The following SOCS7 variants were observed in gnomAD, a reference collection of about 807,000 sequenced individuals.
SOCS7 encodes NAP-4.
In SOCS7, 18 loss-of-function variants were observed where a neutral mutation model predicts 58.9. That is an observed-to-expected ratio of 0.31 (90% CI 0.21 to 0.45). SOCS7 has a LOEUF of 0.45. Among genes scored for constraint, SOCS7 ranks in the 20% least tolerant of loss-of-function variants. The probability of loss-of-function intolerance (pLI) is 1.00; values close to 1 mark genes in which losing one functional copy is unlikely to be tolerated. For synonymous variants in SOCS7, 388 were observed against 364.3 expected (o/e 1.06, Z -0.74); for missense variants, 667 against 837.3 (o/e 0.80, Z 2.51).
At chr17:38,381,958 A>C (rs1372469023) in intron 7 of SOCS7, among the ~76,000 whole-genome samples, 2 of 148,872 alleles carry the variant, frequency 1.3e-5, no homozygotes, top group Non-Finnish European at 3.0e-5. Flanking sequence ...AAAAAAAAAA[A>C]AAAAAAAAAA....
rs544225755 is a variant in SOCS7 at position 38,370,710 on chromosome 17, C to T, written c.1552+2660C>T. On this transcript the variant is annotated intron_variant, in intron 6 of 9. Transcript: ENST00000612932. Reference sequence around the variant, plus strand: ...CATCGCCCAGGCTAGAGTGCAATGGCGCGATCTCAGCTCAGTGTCAACCTC... The same window carrying T: ...CATCGCCCAGGCTAGAGTGCAATGGTGCGATCTCAGCTCAGTGTCAACCTC... 6.0e-5 allele frequency among the ~76,000 whole-genome samples: 9 copies of T among 150,744 alleles called. No individual in the cohort carries two copies. In the East Asian group the frequency reaches 1.2e-3, roughly 20 times the overall value.
At chr17:38,369,610 A>C (rs2037834674) in intron 6 of SOCS7, among the ~76,000 whole-genome samples, 1 of 151,728 alleles carries the variant, frequency 6.6e-6, no homozygotes, top group Non-Finnish European at 1.5e-5. Flanking sequence ...TAAATACTTG[A>C]CCTTTAAGTT....
At chr17:38,393,510 G>A (rs1002610416) in intron 7 of SOCS7, among the ~76,000 whole-genome samples, 3 of 152,036 alleles carry the variant, frequency 2.0e-5, no homozygotes, top group African/African-American at 7.2e-5. Flanking sequence ...GGTGGCGGGC[G>A]CCTGTAATCC....
chr17:38,398,829 A>G (rs567743640), intron 9 of SOCS7, among the ~76,000 whole-genome samples: 1 of 152,276 alleles, frequency 6.6e-6, no homozygotes, highest in South Asian at 2.1e-4. Context: ...GTGATGGTTC[A>G]CGTCTGTAAT....
At chr17:38,394,995 A>G (rs1283792049) in intron 7 of SOCS7, among the ~76,000 whole-genome samples, 1 of 152,182 alleles carries the variant, frequency 6.6e-6, no homozygotes. Context: ...GGCTGCAGTG[A>G]GCTGAGACTG....
intron 6 of SOCS7, among the ~76,000 whole-genome samples, chr17:38,369,824 T>A (rs186959612): frequency 6.6e-6 from 1 of 151,134 alleles, no homozygotes; most frequent in Non-Finnish European, 1.5e-5. Flanking sequence ...AGAGTTTCGC[T>A]CTGTCACCAG....
chr17:38,366,104 GC>G, intron 4 of SOCS7, 182 bp from the exon 5 acceptor site: 1 of 1,241,764 alleles, frequency 8.1e-7, no homozygotes, highest in Non-Finnish European at 1.1e-6. Context: ...GCTTACACAA[GC>G]CCACACAGCT....
chr17:38,358,451 T>C (rs976556805), intron 1 of SOCS7, among the ~76,000 whole-genome samples: 1 of 152,142 alleles, frequency 6.6e-6, no homozygotes, highest in South Asian at 2.1e-4. Flanking sequence ...CAAATGTAGG[T>C]ACCCATCACT....
At chr17:38,368,506 CT>C (rs11314039) in intron 6 of SOCS7, among the ~76,000 whole-genome samples, 226 of 145,548 alleles carry the variant, frequency 1.6e-3, no homozygotes, top group Middle Eastern at 3.5e-3. Context: ...GAATTTCTTT[CT>C]TTTTTTTTTT....
Position 38,364,753 on chromosome 17 carries a change from T to G in SOCS7, c.1047T>G (p.Gly349=), listed in dbSNP as rs2037765703. 2 of 1,613,802 alleles carry G rather than the reference T, an allele frequency of 1.2e-6. No homozygotes were observed. Among genetic ancestry groups the G allele is most frequent in the Non-Finnish European group, 1.7e-6 (2 of 1,179,856 alleles). ...SPVSFSPLFT[G]ETVSLVDVDI... is the part of the protein sequence containing the mutation. ...TTGCTTGCTCCATGAATCCCTCAGG[T>G]GAAACTGTGTCGCTTGTGGATGTGG... Residue 349 remains glycine (G), a splice_region_variant and synonymous_variant, in exon 3 of 10, where the codon GGT becomes GGG. Coordinates refer to ENST00000612932, the MANE Select transcript of SOCS7 (RefSeq NM_014598.4).
rs1000828969 is a variant in SOCS7 at position 38,352,874 on chromosome 17, C to T, written c.822C>T (p.Phe274=). 1 of 1,594,832 alleles carries T rather than the reference C, an allele frequency of 6.3e-7. No individual in the cohort carries two copies. ...CGGGTCCTTCTCGGAAGGGCTCCTT[C>T]AAAATCCGCCTCAGTCGCCTCTTTC... ...PLAGPSRKGS[F]KIRLSRLFRT... The change falls in exon 1 of 10, where the codon TTC becomes TTT. Residue 274 remains phenylalanine (F), a synonymous_variant. Transcript: ENST00000612932. The surrounding 1 kb of genome is among the most constrained non-coding windows in gnomAD (Gnocchi z 5.5).
intron 6 of SOCS7, among the ~76,000 whole-genome samples, chr17:38,374,180 G>A (rs564432994): frequency 3.9e-5 from 6 of 152,146 alleles, no homozygotes; most frequent in South Asian, 2.1e-4. Flanking sequence ...AGATTGCTTC[G>A]CTGCACTCCA....
chr17:38,354,906 G>T (rs1298251771), intron 1 of SOCS7, among the ~76,000 whole-genome samples: 1 of 152,150 alleles, frequency 6.6e-6, no homozygotes, highest in Non-Finnish European at 1.5e-5. Flanking sequence ...GACATTATAC[G>T]GTTTTTTGCC....
intron 6 of SOCS7, among the ~76,000 whole-genome samples, chr17:38,370,834 A>T (rs2037853733): frequency 6.6e-6 from 1 of 151,782 alleles, no homozygotes; most frequent in African/African-American, 2.4e-5. Context: ...TATTTTTAGT[A>T]GAGACGGGGT....
intron 1 of SOCS7, among the ~76,000 whole-genome samples, chr17:38,357,814 T>G (rs1555567019): frequency 6.6e-6 from 1 of 152,266 alleles, no homozygotes; most frequent in East Asian, 1.9e-4. Context: ...TCTTAGGGCA[T>G]CAGTACAGGA....
In SOCS7 at chr17:38,395,325, T is replaced by C; in HGVS notation, c.1698T>C (p.Pro566=). The C allele has an allele frequency of 6.2e-7, 1 of 1,614,164 alleles. No homozygotes were observed. Among genetic ancestry groups the C allele is most frequent in the Non-Finnish European group, 8.5e-7 (1 of 1,180,000 alleles). The change falls in exon 8 of 10, where the codon CCT becomes CCC. Residue 566 remains proline (P), a synonymous_variant. Transcript: ENST00000612932. Reference sequence around the variant, plus strand: ...TTCTTGAAGGACTGCCACCAACTCCTGTCCAGCTGCTCTATCCAGTGTCCC... The same window carrying C: ...TTCTTGAAGGACTGCCACCAACTCCCGTCCAGCTGCTCTATCCAGTGTCCC... ...RSRVPGLPPT[P]VQLLYPVSRF... is the part of the protein sequence containing the mutation.
chr17:38,379,217 A>C (rs1028185456), intron 7 of SOCS7, among the ~76,000 whole-genome samples: 1 of 150,702 alleles, frequency 6.6e-6, no homozygotes, highest in East Asian at 2.0e-4. Context: ...GGTGGCTCAC[A>C]CCTGTAATTC....
chr17:38,359,650 AAG>A (rs2037688490), intron 1 of SOCS7, among the ~76,000 whole-genome samples: 1 of 152,010 alleles, frequency 6.6e-6, no homozygotes, highest in Admixed American at 6.6e-5. Context: ...ACCTTTGGGT[AAG>A]AGTATTTTTG....
chr17:38,387,371 T>A (rs1310204674), intron 7 of SOCS7, among the ~76,000 whole-genome samples: 1 of 145,098 alleles, frequency 6.9e-6, no homozygotes, highest in Non-Finnish European at 1.5e-5. Flanking sequence ...CACTTGAACC[T>A]GGGAAGTGGA....
Sources: gnomAD v4.1 joint callset for allele counts (sites outside exome capture counted in the v4.1 genomes callset) on GRCh38, gnomAD v4.1.1 for gene constraint, Gnocchi (gnomAD v3.1) non-coding constraint, MANE v1.5 for transcripts, NCBI Gene and HGNC (gene_info 2026-07-23, HGNC 2026-07-21) for gene names.